PKD1L1: variants seen among roughly 807,000 people sequenced by gnomAD.
The protein encoded by PKD1L1 is polycystin 1 like 1, transient receptor potential channel interacting.
PKD1L1 carries 236 observed loss-of-function variants against 323.4 expected under a neutral mutation model. The observed-to-expected ratio is 0.73, with a 90% confidence interval of 0.66 to 0.81. PKD1L1 has a LOEUF of 0.81. PKD1L1 is among the 40% of genes least tolerant of loss of function. The pLI is 0.00. For synonymous variants in PKD1L1, 1,344 were observed against 1,335.0 expected, an observed-to-expected ratio of 1.01 and a Z score of -0.15; for missense variants, 3,320 against 3,508.0, an observed-to-expected ratio of 0.95 and a Z score of 1.35.
Position 47,915,597 on chromosome 7 carries a change from T to C in PKD1L1, c.1063A>G (p.Ile355Val). ...VTAYHQYSKG[I>V]FFHLLHFQLD... The stretch of plus-strand genomic sequence containing the variant: ...TGAAAATGTAAAAGATGAAAAAAAA[T>C]ACCTATAAAAGCAAAAAGAAGAAAA... The change falls in exon 8 of 57, where the codon ATT becomes GTT. Residue 355 changes from isoleucine to valine, a missense_variant and splice_region_variant. Transcript: ENST00000289672. 1.3e-6 allele frequency: 2 copies of C among 1,510,732 alleles called. No homozygotes were observed. The highest frequency in any genetic ancestry group is 1.7e-4 in the Middle Eastern group (1 of 5,732). The allele number at this position is 1,510,732 out of a possible 1,614,324, so 93.6% of individuals were successfully genotyped here.
At chr7:47,873,434 G>A (rs993207321) in intron 24 of PKD1L1, among the ~76,000 whole-genome samples, 1 of 151,996 alleles carries the variant, frequency 6.6e-6, no homozygotes, top group Non-Finnish European at 1.5e-5. Context: ...GGATCACGAA[G>A]TCAGGAGTTC....
chr7:47,832,855 T>C (rs1279636724), intron 41 of PKD1L1, among the ~76,000 whole-genome samples: 1 of 152,280 alleles, frequency 6.6e-6, no homozygotes, highest in Non-Finnish European at 1.5e-5. Context: ...GAGTGTATTA[T>C]TGGCTTTTAA....
chr7:47,873,096 G>A (rs1786317697), intron 24 of PKD1L1, among the ~76,000 whole-genome samples: 1 of 152,168 alleles, frequency 6.6e-6, no homozygotes, highest in Admixed American at 6.5e-5. Context: ...TCATTTATAT[G>A]AAATTTTCAG....
intron 56 of PKD1L1, among the ~76,000 whole-genome samples, chr7:47,792,044 C>T (rs1228580915): frequency 3.9e-5 from 6 of 152,198 alleles, no homozygotes; most frequent in Admixed American, 2.0e-4. Context: ...CCTACAAAGA[C>T]GGCTTCCTGC....
At chr7:47,826,667 C>G (rs1193883154) in intron 45 of PKD1L1, among the ~76,000 whole-genome samples, 2 of 152,148 alleles carry the variant, frequency 1.3e-5, no homozygotes, top group Non-Finnish European at 2.9e-5. Flanking sequence ...GGGATTTTAG[C>G]TAGCATTTAG....
chr7:47,934,987 G>C (rs1019958431), intron 4 of PKD1L1, among the ~76,000 whole-genome samples: 16 of 152,168 alleles, frequency 1.1e-4, no homozygotes, highest in African/African-American at 3.9e-4. Context: ...TGGAGTCAAT[G>C]AGCTCCCGCA....
chr7:47,844,593 G>A (rs1785626601), intron 33 of PKD1L1, among the ~76,000 whole-genome samples: 1 of 152,192 alleles, frequency 6.6e-6, no homozygotes, highest in African/African-American at 2.4e-5. Context: ...ATACTCCAGA[G>A]AGAGAAAGAG....
chr7:47,929,249 T>A lies in PKD1L1; in HGVS notation c.1015A>T (p.Met339Leu). 1 of 1,613,984 alleles carries A rather than the reference T, an allele frequency of 6.2e-7. No homozygotes were observed. The highest frequency in any genetic ancestry group is 8.5e-7 in the Non-Finnish European group (1 of 1,180,010). The change falls in exon 7 of 57, where the codon ATG becomes TTG. Residue 339 changes from methionine (M) to leucine (L), a missense_variant. Physicochemically the swap from Met to Leu is conservative, Grantham distance 15 (BLOSUM62 2). Coordinates refer to ENST00000289672, the MANE Select transcript of PKD1L1 (RefSeq NM_138295.5). ...GCAGTCACCGCCATTGCCTCAGACA[T>A]GTTGTGTAGCCTCATTTCAACCCCA... Reference protein sequence around the residue: ...SSGVEMRLHNMSEAMAVTAYH... With the variant: ...SSGVEMRLHNLSEAMAVTAYH...
rs780823412 is a variant in PKD1L1 at position 47,885,812 on chromosome 7, C to T, written c.3079G>A (p.Val1027Ile). 34 of 1,614,088 alleles carry T rather than the reference C, an allele frequency of 2.1e-5. No individual in the cohort carries two copies. The highest frequency in any genetic ancestry group is 2.6e-5 in the Non-Finnish European group (31 of 1,180,046). ...CCTTCCTCTGGAGCCTCCCCCAGGA[C>T]TGCAGAGTCCCCCGCAGGAGGAATC... is the stretch of plus-strand genomic sequence containing the variant. ...YWIPPAGDSA[V>I]LGEAPEEGSL... The change falls in exon 18 of 57, where the codon GTC becomes ATC. Residue 1027 changes from valine (V) to isoleucine (I), a missense_variant. Transcript: ENST00000289672.
chr7:47,908,322 T>C (rs899935043), intron 8 of PKD1L1, 72 bp from the exon 9 acceptor site: 74 of 1,399,700 alleles, frequency 5.3e-5, no homozygotes, highest in Non-Finnish European at 6.8e-5. Context: ...ATTTGTAGAA[T>C]GGTCAAAATG....
intron 31 of PKD1L1, among the ~76,000 whole-genome samples, chr7:47,849,497 G>A (rs747452287): frequency 5.3e-5 from 8 of 151,804 alleles, no homozygotes; most frequent in East Asian, 1.9e-4. Flanking sequence ...CAAACAAATC[G>A]CAAGAAAAAA....
chr7:47,885,865 G>T lies in PKD1L1; in HGVS notation c.3026C>A (p.Pro1009His), dbSNP rs200978687. 1.7e-5 allele frequency: 28 copies of T among 1,614,050 alleles called. No homozygotes were observed. The highest frequency in any genetic ancestry group is 2.2e-5 in the Non-Finnish European group (26 of 1,180,040). Reference sequence around the variant, plus strand: ...GTAGACTCCAGTCATGGGCTCTGTGGGGGTTCCCCTTGGAGCTGAAGTGGC... The same window carrying T: ...GTAGACTCCAGTCATGGGCTCTGTGTGGGTTCCCCTTGGAGCTGAAGTGGC... ...QPATSAPRGT[P>H]TEPMTGVYWI... Residue 1009 changes from proline (P) to histidine (H), a missense_variant, in exon 18 of 57, where the codon CCC (proline) becomes CAC (histidine). By Grantham distance (77) the Pro-to-His change is moderately conservative (BLOSUM62 -2). Coordinates refer to ENST00000289672, the MANE Select transcript of PKD1L1 (RefSeq NM_138295.5).
At chr7:47,798,363 A>G (rs981957970) in intron 54 of PKD1L1, among the ~76,000 whole-genome samples, 1 of 152,244 alleles carries the variant, frequency 6.6e-6, no homozygotes, top group Admixed American at 6.5e-5. Context: ...TTGGATATTC[A>G]TTTATAAAAA....
rs574290749 is a variant in PKD1L1 at position 47,775,246 on chromosome 7, C to G, written c.8527-80G>C. The G allele has an allele frequency of 5.1e-6, 8 of 1,559,352 alleles. No homozygotes were observed. The South Asian group carries it at 9.1e-5, about 18-fold the overall frequency. On this transcript the variant is annotated intron_variant, in intron 56 of 56. Coordinates refer to ENST00000289672, the MANE Select transcript of PKD1L1 (RefSeq NM_138295.5). ...ACAGAACAAATAGGCAGAAAGGCAG[C>G]AAGTGCTGATCAGACCTGAACACCA...
chr7:47,878,505 T>C (rs4724659), intron 21 of PKD1L1, among the ~76,000 whole-genome samples: 152,115 of 152,336 alleles, frequency 1, 75,947 homozygotes, highest in Middle Eastern at 1. Flanking sequence ...ACACACCAGG[T>C]GCCCTGCTAG....
chr7:47,803,542 C>G (rs191498363), intron 52 of PKD1L1, among the ~76,000 whole-genome samples, 198 bp from the exon 53 acceptor site: 1 of 152,222 alleles, frequency 6.6e-6, no homozygotes, highest in African/African-American at 2.4e-5. Flanking sequence ...CAAATCGTAA[C>G]GCATTTTGAG....
chr7:47,915,664 G>A (rs1385531257), intron 7 of PKD1L1, 65 bp from the exon 8 acceptor site: 9 of 1,018,374 alleles, frequency 8.8e-6, no homozygotes, highest in Admixed American at 3.0e-5. Context: ...GGAAAATGTG[G>A]AATAAACAAA....
intron 36 of PKD1L1, among the ~76,000 whole-genome samples, chr7:47,838,055 G>T (rs886549805): frequency 6.6e-6 from 1 of 152,222 alleles, no homozygotes; most frequent in African/African-American, 2.4e-5. Context: ...GTCTCCCGTT[G>T]TTAACTATGG....
chr7:47,833,733 C>T (rs1343405634), intron 40 of PKD1L1, among the ~76,000 whole-genome samples: 1 of 152,160 alleles, frequency 6.6e-6, no homozygotes, highest in Non-Finnish European at 1.5e-5. Flanking sequence ...AAACAGGGCA[C>T]CATGTGTGCC....
Sources: gnomAD v4.1 joint callset for allele counts (sites outside exome capture counted in the v4.1 genomes callset) on GRCh38, gnomAD v4.1.1 for gene constraint, MANE v1.5 for transcripts, NCBI Gene and HGNC (gene_info 2026-07-23, HGNC 2026-07-21) for gene names.